The following MECOM variants were observed in gnomAD, a reference collection of about 807,000 sequenced individuals.
MECOM encodes histone-lysine N-methyltransferase MECOM.
MECOM carries 13 observed loss-of-function variants against 116.3 expected under a neutral mutation model. The observed-to-expected ratio is 0.11, with a 90% CI of 0.07 to 0.18. MECOM has a LOEUF of 0.18. Among genes scored for constraint, MECOM ranks in the 10% least tolerant of loss-of-function variants. The pLI, the probability that MECOM is intolerant of heterozygous loss-of-function variation, is 1.00. For missense variants in MECOM, 1,299 were observed against 1,509.0 expected (o/e 0.86, Z 2.31); for synonymous variants, 528 against 535.2 (o/e 0.99, Z 0.19).
chr3:169,133,118 C>CAT (rs912688842), intron 3 of MECOM, among the ~76,000 whole-genome samples: 1 of 151,682 alleles, frequency 6.6e-6, no homozygotes, highest in African/African-American at 2.4e-5. Context: ...CATACACACA[C>CAT]ACACACACAC....
At chr3:169,148,028 T>G (rs1014787379) in intron 2 of MECOM, among the ~76,000 whole-genome samples, 1 of 150,986 alleles carries the variant, frequency 6.6e-6, no homozygotes, top group Non-Finnish European at 1.5e-5. Flanking sequence ...TAAAAAAAAT[T>G]TTTTTAATTG....
chr3:169,564,460 A>C (rs1762993334), intron 1 of MECOM, among the ~76,000 whole-genome samples: 1 of 152,236 alleles, frequency 6.6e-6, no homozygotes. Flanking sequence ...CTATATATGA[A>C]ATAAATATAT....
At chr3:169,598,036 C>T (rs1338978463) in intron 1 of MECOM, among the ~76,000 whole-genome samples, 1 of 152,112 alleles carries the variant, frequency 6.6e-6, no homozygotes, top group Non-Finnish European at 1.5e-5. Flanking sequence ...CTACAGGAAA[C>T]CATAATAAAT....
intron 2 of MECOM, among the ~76,000 whole-genome samples, chr3:169,290,066 C>A (rs9827754): frequency 0.035 from 5,335 of 152,120 alleles, 233 homozygotes; most frequent in African/African-American, 0.11. Flanking sequence ...CAACAGTAAC[C>A]TTAAGTATAT....
intron 14 of MECOM, among the ~76,000 whole-genome samples, chr3:169,091,469 G>T (rs1719695445): frequency 6.6e-6 from 1 of 152,032 alleles, no homozygotes; most frequent in Non-Finnish European, 1.5e-5. Flanking sequence ...ATTTGAATAG[G>T]CATCTCAGAA....
chr3:169,187,102 G>A (rs1340745214), intron 2 of MECOM, among the ~76,000 whole-genome samples: 1 of 152,084 alleles, frequency 6.6e-6, no homozygotes, highest in Non-Finnish European at 1.5e-5. Context: ...CTGTTCTTTG[G>A]AATCCAGCAC....
intron 1 of MECOM, among the ~76,000 whole-genome samples, chr3:169,556,830 T>G (rs1173784921): frequency 6.6e-6 from 1 of 152,112 alleles, no homozygotes; most frequent in Non-Finnish European, 1.5e-5. Context: ...CCCAGCAATA[T>G]CTGGATTGCA....
intron 1 of MECOM, among the ~76,000 whole-genome samples, chr3:169,600,917 G>A (rs766478730): frequency 7.2e-5 from 11 of 152,194 alleles, no homozygotes; most frequent in African/African-American, 1.7e-4. Context: ...CAGGACTTCC[G>A]TTTTAAAGCA....
At chr3:169,221,083 A>G (rs1394446823) in intron 2 of MECOM, among the ~76,000 whole-genome samples, 4 of 152,240 alleles carry the variant, frequency 2.6e-5, no homozygotes, top group Non-Finnish European at 4.4e-5. Context: ...TTGGTTGCAT[A>G]ACCTTAAGCA....
chr3:169,424,174 C>T (rs1028126969), intron 1 of MECOM, among the ~76,000 whole-genome samples: 1 of 152,114 alleles, frequency 6.6e-6, no homozygotes, highest in Non-Finnish European at 1.5e-5. Context: ...GAGACCACCT[C>T]CTGTAGGCCT....
chr3:169,449,213 T>A (rs1745143195), intron 1 of MECOM, among the ~76,000 whole-genome samples: 1 of 152,202 alleles, frequency 6.6e-6, no homozygotes, highest in Non-Finnish European at 1.5e-5. Flanking sequence ...CTTAAGGTAC[T>A]AAGCAATGCA....
intron 1 of MECOM, among the ~76,000 whole-genome samples, chr3:169,446,505 A>T (rs1268776128): frequency 6.6e-6 from 1 of 152,138 alleles, no homozygotes; most frequent in East Asian, 1.9e-4. Context: ...CAGCAGCATA[A>T]AACCGAACTA....
At chr3:169,313,193 G>C (rs1427405137) in intron 2 of MECOM, among the ~76,000 whole-genome samples, 1 of 152,234 alleles carries the variant, frequency 6.6e-6, no homozygotes, top group Admixed American at 6.5e-5. Flanking sequence ...AATGAGGCCT[G>C]AGGATTGGCC....
At chr3:169,389,538 G>A (rs557911722) in intron 1 of MECOM, 3 of 985,160 alleles carry the variant, frequency 3.0e-6, no homozygotes, top group Admixed American at 1.2e-4. Context: ...AAATTTTTGA[G>A]AGACTTTTAG....
intron 2 of MECOM, among the ~76,000 whole-genome samples, chr3:169,206,620 G>A (rs951375145): frequency 2.6e-5 from 4 of 151,966 alleles, no homozygotes; most frequent in Admixed American, 6.6e-5. Context: ...AGGCATGGGG[G>A]CGGGTGCCTA....
intron 1 of MECOM, among the ~76,000 whole-genome samples, chr3:169,568,660 C>T (rs1763532535): frequency 6.6e-6 from 1 of 152,182 alleles, no homozygotes; most frequent in Non-Finnish European, 1.5e-5. Context: ...AGCCAGACTG[C>T]CTCTCTAGAT....
At chr3:169,101,996 CAAGA>C in intron 11 of MECOM, 60 bp downstream of exon 11, 1 of 1,501,002 alleles carries the variant, frequency 6.7e-7, no homozygotes, top group Non-Finnish European at 9.0e-7. Flanking sequence ...AAACAAACAG[CAAGA>C]CCTTTTGAAA....
Position 169,547,111 on chromosome 3 carries a change from G to A in MECOM, c.37+116225C>T, listed in dbSNP as rs568075593. On this transcript the variant is annotated intron_variant, in intron 1 of 16. Coordinates refer to ENST00000651503, the MANE Select transcript of MECOM (RefSeq NM_004991.4). ...ATTGTAATCCCCAGTGTTGAGGGAG[G>A]AACTTGTTGGGAGGTGATTGGATCA... is the stretch of plus-strand genomic sequence containing the variant. Among the ~76,000 whole-genome samples the A allele has an allele frequency of 1.2e-4, 18 of 152,292 alleles. 1 individual carries two copies. The highest frequency in any genetic ancestry group is 4.1e-4 in the African/African-American group (17 of 41,562).
intron 2 of MECOM, among the ~76,000 whole-genome samples, chr3:169,257,367 G>C (rs1045321137): frequency 6.6e-6 from 1 of 152,120 alleles, no homozygotes; most frequent in Non-Finnish European, 1.5e-5. Flanking sequence ...GTGTCTTCCA[G>C]AAAACATTAA....
Sources: gnomAD v4.1 joint callset for allele counts (sites outside exome capture counted in the v4.1 genomes callset) on GRCh38, gnomAD v4.1.1 for gene constraint, MANE v1.5 for transcripts, NCBI Gene and HGNC (gene_info 2026-07-23, HGNC 2026-07-21) for gene names.